KIAA1549L: variants seen among roughly 807,000 people sequenced by gnomAD.
KIAA1549L encodes the protein UPF0606 protein KIAA1549L.
In KIAA1549L, 88 loss-of-function variants were observed where a neutral mutation model predicts 160.7. The ratio of observed to expected loss-of-function variants is 0.55; its 90% CI spans 0.46 to 0.65. The LOEUF (loss-of-function observed/expected upper bound fraction) is 0.65. Ranked by LOEUF, KIAA1549L falls within the 30% of genes least tolerant of loss-of-function variation. The pLI, the probability that KIAA1549L is intolerant of heterozygous loss-of-function variation, is 0.00. For missense variants in KIAA1549L, 2,258 were observed against 2,437.5 expected (o/e 0.93, Z 1.55); for synonymous variants, 950 against 976.7 (o/e 0.97, Z 0.51).
intron 1 of KIAA1549L, among the ~76,000 whole-genome samples, chr11:33,469,398 A>G (rs1192447187): frequency 6.6e-6 from 1 of 151,968 alleles, no homozygotes; most frequent in Non-Finnish European, 1.5e-5. Context: ...TATGAATATA[A>G]TGTGTCATCT....
intron 1 of KIAA1549L, among the ~76,000 whole-genome samples, chr11:33,478,688 CT>C (rs1852345204): frequency 6.6e-6 from 1 of 152,196 alleles, no homozygotes; most frequent in Admixed American, 6.5e-5. Flanking sequence ...CTTGAACTAT[CT>C]CATTTAATCC....
intron 1 of KIAA1549L, among the ~76,000 whole-genome samples, chr11:33,538,808 T>TA (rs1377671142): frequency 2.0e-5 from 3 of 151,986 alleles, no homozygotes; most frequent in Non-Finnish European, 4.4e-5. Flanking sequence ...TTCTTCTAGT[T>TA]AAAGAGTAAA....
At chr11:33,552,061 T>G (rs755177061) in intron 5 of KIAA1549L, 47 bp from the exon 6 acceptor site, 38 of 1,603,840 alleles carry the variant, frequency 2.4e-5, no homozygotes, top group Non-Finnish European at 3.0e-5. Context: ...TCCAAGGAAC[T>G]GAGACATGGA....
intron 1 of KIAA1549L, among the ~76,000 whole-genome samples, chr11:33,384,911 T>C (rs542243493): frequency 7.9e-4 from 120 of 151,908 alleles, no homozygotes; most frequent in Non-Finnish European, 1.2e-3. Context: ...GGCTTGTCTT[T>C]TCATTTTATT....
chr11:33,573,914 G>T (rs943809250), intron 9 of KIAA1549L, among the ~76,000 whole-genome samples: 3 of 152,058 alleles, frequency 2.0e-5, no homozygotes, highest in Non-Finnish European at 4.4e-5. Context: ...AGTTTATGAG[G>T]TATGCATCAG....
rs895784163 is a variant in KIAA1549L at position 33,591,432 on chromosome 11, G to C, written c.4751+11G>C. ...TGAAACCAGGAAGAGGTAGGCACGG[G>C]GCTGACTTCTGCCTCTCTGTGTCAG... On this transcript the variant is annotated intron_variant, in intron 12 of 20. Transcript: ENST00000658780. 2.5e-6 allele frequency: 4 copies of C among 1,583,592 alleles called. No homozygotes were observed. The African/African-American group carries it at 5.4e-5, about 21-fold the overall frequency.
At position 33,609,736 on chromosome 11, in the gene KIAA1549L, C is replaced by G. The variant is rs1192367429; in HGVS notation, c.5062-13C>G. 6.3e-7 allele frequency: 1 copy of G among 1,590,108 alleles called. No homozygotes were observed. Among genetic ancestry groups the G allele is most frequent in the Admixed American group, 1.8e-5 (1 of 56,746 alleles). On this transcript the variant is annotated splice_polypyrimidine_tract_variant and intron_variant, in intron 14 of 20. Coordinates refer to ENST00000658780, the MANE Select transcript of KIAA1549L (RefSeq NM_012194.3). ...TGGGTCAGGTTTGGGCCTGAGACTG[C>G]CTCTCTCCCCAGGTGAACAAAGCCC...
chr11:33,399,831 TAGG>T (rs1194910576), intron 1 of KIAA1549L, among the ~76,000 whole-genome samples: 1 of 152,180 alleles, frequency 6.6e-6, no homozygotes, highest in African/African-American at 2.4e-5. Context: ...ATGAAGAAGA[TAGG>T]AGGAGATGGC....
At chr11:33,583,261 G>A in intron 10 of KIAA1549L, 77 bp from the exon 11 acceptor site, 4 of 1,379,708 alleles carry the variant, frequency 2.9e-6, no homozygotes, top group Non-Finnish European at 4.0e-6. Context: ...TGGGACTGGG[G>A]TGGGGGGTTA....
chr11:33,656,362 A>G (rs2133434270), intron 18 of KIAA1549L, among the ~76,000 whole-genome samples: 1 of 152,258 alleles, frequency 6.6e-6, no homozygotes, highest in Admixed American at 6.5e-5. Flanking sequence ...ACTGCCCCAT[A>G]CCTGGAAAGC....
At chr11:33,411,096 C>T (rs756715005) in intron 1 of KIAA1549L, among the ~76,000 whole-genome samples, 3 of 152,146 alleles carry the variant, frequency 2.0e-5, no homozygotes, top group Non-Finnish European at 4.4e-5. Context: ...GTGCAGTCTG[C>T]TAGTCTAGAC....
At chr11:33,496,005 C>T (rs560676874) in intron 1 of KIAA1549L, among the ~76,000 whole-genome samples, 1 of 152,260 alleles carries the variant, frequency 6.6e-6, no homozygotes, top group African/African-American at 2.4e-5. Context: ...CTCTGTCGCC[C>T]AGGCTGGAGT....
chr11:33,501,173 T>C (rs1852940090), intron 1 of KIAA1549L, among the ~76,000 whole-genome samples: 1 of 152,212 alleles, frequency 6.6e-6, no homozygotes, highest in Middle Eastern at 3.2e-3. Flanking sequence ...AAAGGCCTAT[T>C]TGCCTACAGA....
At chr11:33,447,187 G>A (rs1851628657) in intron 1 of KIAA1549L, among the ~76,000 whole-genome samples, 2 of 152,152 alleles carry the variant, frequency 1.3e-5, no homozygotes, top group Admixed American at 6.5e-5. Flanking sequence ...GAACTGTGCA[G>A]GTGGAAAGTC....
chr11:33,465,706 G>A (rs1429913563), intron 1 of KIAA1549L, among the ~76,000 whole-genome samples: 1 of 152,178 alleles, frequency 6.6e-6, no homozygotes, highest in Non-Finnish European at 1.5e-5. Flanking sequence ...TACAACCATC[G>A]GATCTTCGAC....
rs1469967296 is a variant in KIAA1549L, at chr11:33,606,815, A to G, written c.5054A>G (p.Asn1685Ser). The change falls in exon 14 of 21, where the codon AAC (asparagine) becomes AGC (serine). Residue 1685 changes from asparagine to serine, a missense_variant. Physicochemically the swap from Asn to Ser is conservative, Grantham distance 46. Coordinates refer to ENST00000658780, the MANE Select transcript of KIAA1549L (RefSeq NM_012194.3). Reference sequence around the variant, plus strand: ...AGCCAGGAGTCATCGGCAGTCCTCAACGGCGAGGTAAGTGCCTGGAGACCC... The same window carrying G: ...AGCCAGGAGTCATCGGCAGTCCTCAGCGGCGAGGTAAGTGCCTGGAGACCC... ...DRSQESSAVL[N>S]GEVNKALKQK... 6.2e-7 allele frequency: 1 copy of G among 1,603,182 alleles called. No individual in the cohort carries two copies.
intron 5 of KIAA1549L, 93 bp downstream of exon 5, chr11:33,551,352 C>A: frequency 1.8e-6 from 2 of 1,085,472 alleles, no homozygotes; most frequent in Admixed American, 2.0e-5. Context: ...TTGCTAGCTG[C>A]TGTGTCATTT....
At chr11:33,577,503 A>G (rs1855489865) in intron 10 of KIAA1549L, among the ~76,000 whole-genome samples, 2 of 152,188 alleles carry the variant, frequency 1.3e-5, no homozygotes, top group South Asian at 2.1e-4. Context: ...GATCTGGTGC[A>G]CGGGTGAAGG....
intron 1 of KIAA1549L, among the ~76,000 whole-genome samples, chr11:33,435,832 G>GTGTGTGTGTGTGTGTATATATATATA (rs1851364614): frequency 3.0e-5 from 1 of 33,600 alleles, no homozygotes; most frequent in South Asian, 1.1e-3. Context: ...ATATATATAT[G>GTGTGTGTGTGTGTGTATATATATATA]TATATGTATA....
Sources: allele counts gnomAD v4.1 joint callset (sites outside exome capture counted in the v4.1 genomes callset), GRCh38; gene constraint gnomAD v4.1.1; transcripts MANE v1.5; gene names NCBI Gene and HGNC (gene_info 2026-07-23, HGNC 2026-07-21).